Variants in CSMD2 observed in about 807,000 individuals in gnomAD.
CSMD2 encodes CUB and sushi domain-containing protein 2.
In CSMD2, 130 loss-of-function variants were observed where a neutral mutation model predicts 398.5. The ratio of observed to expected loss-of-function variants is 0.33; its 90% CI spans 0.28 to 0.38. The LOEUF (loss-of-function observed/expected upper bound fraction) is 0.38. CSMD2 is among the 10% of genes least tolerant of loss of function. The pLI, the probability that CSMD2 is intolerant of heterozygous loss-of-function variation, is 1.00. For missense variants in CSMD2, 3,829 were observed against 4,764.9 expected (o/e 0.80, Z 5.78); for synonymous variants, 1,828 against 1,908.5 (o/e 0.96, Z 1.10).
chr1:33,576,794 A>G (rs1570792919), intron 49 of CSMD2, among the ~76,000 whole-genome samples: 1 of 150,472 alleles, frequency 6.6e-6, no homozygotes, highest in Non-Finnish European at 1.5e-5. Flanking sequence ...TTTCTTTTGC[A>G]TTATCTACCG....
intron 9 of CSMD2, among the ~76,000 whole-genome samples, chr1:33,814,877 CCA>C (rs1046208682): frequency 6.6e-6 from 1 of 152,098 alleles, no homozygotes; most frequent in Admixed American, 6.5e-5. Flanking sequence ...CTTCTGGCTC[CCA>C]CATTTCATCC....
At chr1:33,771,153 T>C (rs540526742) in intron 13 of CSMD2, among the ~76,000 whole-genome samples, 271 of 152,306 alleles carry the variant, frequency 1.8e-3, no homozygotes, top group Non-Finnish European at 1.4e-3. Flanking sequence ...TTTATCTAGA[T>C]GGATTTCAGA....
chr1:34,159,332 C>A (rs886817250), intron 1 of CSMD2, among the ~76,000 whole-genome samples: 6 of 66,716 alleles, frequency 9.0e-5, no homozygotes, highest in South Asian at 5.4e-4. Context: ...CAGCCTGCCC[C>A]CCCCCCACCC....
chr1:34,038,104 C>T lies in CSMD2; in HGVS notation c.405-5398G>A, dbSNP rs1410978498. On this transcript the variant is annotated intron_variant, in intron 2 of 70. Coordinates refer to ENST00000373381, the MANE Select transcript of CSMD2 (RefSeq NM_001281956.2). ...CTCCCCAGCTGGATACCTGAATCAT[C>T]GCTCCCCCACCCACTTATCTTTGAG... Among the ~76,000 whole-genome samples the T allele has an allele frequency of 6.6e-5, 10 of 152,278 alleles. No homozygotes were observed. In the East Asian group the frequency reaches 1.7e-3, roughly 26 times the overall value.
At chr1:33,923,647 A>G (rs1644025431) in intron 4 of CSMD2, among the ~76,000 whole-genome samples, 1 of 152,120 alleles carries the variant, frequency 6.6e-6, no homozygotes. Context: ...GAACATTTCA[A>G]GTTCTCTCTC....
chr1:33,861,007 C>T (rs954709220), intron 5 of CSMD2: 1 of 152,198 alleles, frequency 6.6e-6, no homozygotes, highest in Non-Finnish European at 1.5e-5. Context: ...CTTCTCTGTG[C>T]TTTGCTACCT....
intron 14 of CSMD2, 21 bp downstream of exon 14, chr1:33,743,258 TG>T: frequency 6.4e-7 from 1 of 1,567,710 alleles, no homozygotes; most frequent in Non-Finnish European, 8.7e-7. Flanking sequence ...GAGGGCCAGC[TG>T]GTGACAGAGG....
chr1:33,893,644 A>G (rs956588447), intron 5 of CSMD2, among the ~76,000 whole-genome samples: 1 of 152,206 alleles, frequency 6.6e-6, no homozygotes, highest in Non-Finnish European at 1.5e-5. Context: ...CCAGCCTACA[A>G]CTTGTGAAAT....
chr1:34,074,709 G>A (rs1420296995), intron 2 of CSMD2, among the ~76,000 whole-genome samples: 1 of 151,540 alleles, frequency 6.6e-6, no homozygotes, highest in East Asian at 1.9e-4. Context: ...TGGGGTAGAT[G>A]GGCATAAATG....
chr1:33,568,582 A>G (rs769356735), intron 52 of CSMD2, among the ~76,000 whole-genome samples: 7 of 152,222 alleles, frequency 4.6e-5, no homozygotes, highest in Non-Finnish European at 8.8e-5. Flanking sequence ...ACAACTATGT[A>G]AAAACAGATG....
At chr1:34,047,644 T>C (rs1652683023) in intron 2 of CSMD2, among the ~76,000 whole-genome samples, 1 of 152,190 alleles carries the variant, frequency 6.6e-6, no homozygotes, top group Non-Finnish European at 1.5e-5. Context: ...AGGTAATTAC[T>C]GAAGACACAA....
At chr1:33,846,050 C>G (rs1322147165) in intron 6 of CSMD2, among the ~76,000 whole-genome samples, 2 of 152,212 alleles carry the variant, frequency 1.3e-5, no homozygotes, top group Non-Finnish European at 2.9e-5. Flanking sequence ...GAGGCCAACC[C>G]TTGGTGTTTA....
chr1:33,706,919 T>A (rs1645806313), intron 22 of CSMD2, among the ~76,000 whole-genome samples: 2 of 152,120 alleles, frequency 1.3e-5, no homozygotes, highest in Admixed American at 6.6e-5. Flanking sequence ...GTGTGTGCAC[T>A]ACCTGGGCTC....
At chr1:33,940,491 G>C (rs916286413) in intron 3 of CSMD2, among the ~76,000 whole-genome samples, 2 of 151,546 alleles carry the variant, frequency 1.3e-5, no homozygotes, top group African/African-American at 4.9e-5. Flanking sequence ...TTTACTTTTA[G>C]TCCAGGACCT....
intron 32 of CSMD2, among the ~76,000 whole-genome samples, chr1:33,628,680 A>C (rs1642277661): frequency 6.6e-6 from 1 of 151,996 alleles, no homozygotes; most frequent in Admixed American, 6.5e-5. Flanking sequence ...AAAAAAAAAA[A>C]AAAAAAAATC....
intron 3 of CSMD2, among the ~76,000 whole-genome samples, chr1:33,950,117 T>A (rs1644956788): frequency 6.6e-6 from 1 of 151,394 alleles, no homozygotes; most frequent in Admixed American, 6.6e-5. Context: ...GACCAGGCCC[T>A]ACCCTATCTC....
chr1:33,556,877 G>T (rs1337037978), intron 55 of CSMD2, among the ~76,000 whole-genome samples: 1 of 152,086 alleles, frequency 6.6e-6, no homozygotes, highest in South Asian at 2.1e-4. Context: ...GGACATGTTT[G>T]CTTCTCCTTC....
At chr1:33,681,610 T>C (rs1644910529) in intron 25 of CSMD2, among the ~76,000 whole-genome samples, 1 of 152,198 alleles carries the variant, frequency 6.6e-6, no homozygotes, top group African/African-American at 2.4e-5. Flanking sequence ...CTAAAAATTG[T>C]ATGTCTGTAT....
At chr1:33,682,267 T>C (rs1246301574) in intron 25 of CSMD2, among the ~76,000 whole-genome samples, 1 of 152,216 alleles carries the variant, frequency 6.6e-6, no homozygotes, top group Non-Finnish European at 1.5e-5. Context: ...CATCTAGGGT[T>C]CACCCAGATA....
Sources: gnomAD v4.1 joint callset for allele counts (sites outside exome capture counted in the v4.1 genomes callset) on GRCh38, gnomAD v4.1.1 for gene constraint, MANE v1.5 for transcripts, NCBI Gene and HGNC (gene_info 2026-07-23, HGNC 2026-07-21) for gene names.